The following KCNMA1 variants were observed in gnomAD, a reference collection of about 807,000 sequenced individuals.
KCNMA1 encodes the protein Calcium-activated potassium channel subunit alpha-1.
Under a neutral mutation model 140.0 loss-of-function variants are expected in KCNMA1, and 29 were observed. The observed-to-expected ratio is 0.21, with a 90% CI of 0.15 to 0.28. The LOEUF (loss-of-function observed/expected upper bound fraction) is 0.28, where lower values mean the gene tolerates loss of function less well. Among genes scored for constraint, KCNMA1 ranks in the 10% least tolerant of loss-of-function variants. The probability of loss-of-function intolerance (pLI) is 1.00; values close to 1 mark genes in which losing one functional copy is unlikely to be tolerated. For missense variants in KCNMA1, 880 were observed against 1,602.2 expected, an observed-to-expected ratio of 0.55 and a Z score of 7.70; for synonymous variants, 612 against 611.9, an observed-to-expected ratio of 1.00 and a Z score of 0.00.
chr10:77,438,373 C>A (rs1321070899), intron 1 of KCNMA1, among the ~76,000 whole-genome samples: 2 of 151,956 alleles, frequency 1.3e-5, no homozygotes, highest in Non-Finnish European at 2.9e-5. Context: ...TCGAGACCAG[C>A]CTCAATTAGG....
rs1052286768 is a variant in KCNMA1 at position 76,972,882 on chromosome 10, T to C, written c.2267-2815A>G. On this transcript the variant is annotated intron_variant, in intron 19 of 27. Transcript: ENST00000286628. ...TCTCATAAGTAGGATATAAACCATA[T>C]TTAATTATCAGCCTTTATATGGATC... Among the ~76,000 whole-genome samples the C allele has an allele frequency of 3.3e-5, 5 of 152,218 alleles. No homozygotes were observed. In the East Asian group the frequency reaches 9.6e-4, roughly 29 times the overall value.
In KCNMA1 at chr10:77,184,850, C is replaced by T; in HGVS notation, c.669G>A (p.Val223=). Residue 223 remains valine, a synonymous_variant, in exon 4 of 28, where the codon GTG becomes GTA. Transcript: ENST00000286628. ...FTLQIDMAFN[V]FFLLYFGLRF... Reference sequence around the variant, plus strand: ...GCAAGCCGAAGTAGAGAAGGAAGAACACGTTGAAAGCCATGTCGATCTGTA... The same window carrying T: ...GCAAGCCGAAGTAGAGAAGGAAGAATACGTTGAAAGCCATGTCGATCTGTA... 12 of 1,611,970 alleles carry T rather than the reference C, an allele frequency of 7.4e-6. No homozygotes were observed. Among genetic ancestry groups the T allele is most frequent in the Non-Finnish European group, 1.0e-5 (12 of 1,178,178 alleles).
intron 23 of KCNMA1, among the ~76,000 whole-genome samples, chr10:76,937,714 C>A (rs561829378): frequency 1.3e-5 from 2 of 152,146 alleles, no homozygotes; most frequent in South Asian, 4.2e-4. Context: ...GAAGGTGTAC[C>A]CTATGCCCCC....
intron 14 of KCNMA1, among the ~76,000 whole-genome samples, chr10:77,061,697 T>A (rs925732098): frequency 7.2e-5 from 11 of 152,172 alleles, no homozygotes; most frequent in Non-Finnish European, 1.5e-4. Flanking sequence ...CACACAAACT[T>A]CCATGTAAAT....
At chr10:77,221,154 T>C (rs766809274) in intron 3 of KCNMA1, among the ~76,000 whole-genome samples, 5 of 152,216 alleles carry the variant, frequency 3.3e-5, no homozygotes, top group Non-Finnish European at 4.4e-5. Flanking sequence ...TGCTTGCTAA[T>C]TTCTTCATGT....
chr10:77,307,072 A>T (rs981591162), intron 2 of KCNMA1, among the ~76,000 whole-genome samples: 1 of 152,192 alleles, frequency 6.6e-6, no homozygotes. Context: ...AGAACACATG[A>T]GGTAGAATCC....
At chr10:77,439,087 A>AAAGAGAAGAGAAGAC in intron 1 of KCNMA1, among the ~76,000 whole-genome samples, 1 of 124,848 alleles carries the variant, frequency 8.0e-6, no homozygotes, top group Non-Finnish European at 1.7e-5. Flanking sequence ...AAAGAAAAGA[A>AAAGAGAAGAGAAGAC]AAGAGAAGAG....
chr10:77,362,129 G>A (rs900252816), intron 2 of KCNMA1, among the ~76,000 whole-genome samples: 4 of 152,118 alleles, frequency 2.6e-5, no homozygotes, highest in African/African-American at 7.2e-5. Flanking sequence ...TCTCACGCGA[G>A]GCTCCCAGCA....
At chr10:76,876,721 G>A (rs2032453435), downstream of KCNMA1, 1 of 152,196 alleles carries the variant, frequency 6.6e-6, no homozygotes, top group Non-Finnish European at 1.5e-5. Flanking sequence ...CAAAAACTCA[G>A]TGAGAAGAAT....
intron 3 of KCNMA1, among the ~76,000 whole-genome samples, chr10:77,209,928 CAAA>C (rs34004473): frequency 2.3e-5 from 3 of 128,210 alleles, no homozygotes; most frequent in Admixed American, 7.8e-5. Context: ...ACCTACCAAC[CAAA>C]AAAAAAAAAA....
Position 76,887,521 on chromosome 10 carries a change from C to T in KCNMA1, c.3462-6G>A, listed in dbSNP as rs773658173. ...GCGGGTTGGTGATGACATACCTGGACAGGGAAAGCAGAGATGTCACCTCCT... is the reference window on the plus strand; with the variant it reads ...GCGGGTTGGTGATGACATACCTGGATAGGGAAAGCAGAGATGTCACCTCCT... On this transcript the variant is annotated splice_polypyrimidine_tract_variant and splice_region_variant and intron_variant, in intron 27 of 27. Transcript: ENST00000286628. 1 of 1,614,124 alleles carries T rather than the reference C, an allele frequency of 6.2e-7. No individual in the cohort carries two copies. The highest frequency in any genetic ancestry group is 1.7e-5 in the Admixed American group (1 of 60,030).
chr10:77,349,965 C>T lies in KCNMA1; in HGVS notation c.540+53897G>A, dbSNP rs1457297555. Among the ~76,000 whole-genome samples the T allele has an allele frequency of 2.0e-5, 3 of 151,910 alleles. No individual in the cohort carries two copies. In the East Asian group the frequency reaches 5.8e-4, roughly 29 times the overall value. On this transcript the variant is annotated intron_variant, in intron 2 of 27. Transcript: ENST00000286628. ...CTGGAGTATAGTGGTACGATCTCGGCTTGGCTCACCGCAACCTCTGCCTCC... is the reference window on the plus strand; with the variant it reads ...CTGGAGTATAGTGGTACGATCTCGGTTTGGCTCACCGCAACCTCTGCCTCC...
At chr10:77,082,731 G>C (rs780643600) in intron 12 of KCNMA1, among the ~76,000 whole-genome samples, 48 of 152,198 alleles carry the variant, frequency 3.2e-4, no homozygotes, top group Non-Finnish European at 5.4e-4. Flanking sequence ...TGTGAAGCCA[G>C]AATCTGTTCC....
intron 23 of KCNMA1, among the ~76,000 whole-genome samples, chr10:76,924,583 A>G (rs1000206836): frequency 6.6e-6 from 1 of 152,228 alleles, no homozygotes; most frequent in Non-Finnish European, 1.5e-5. Flanking sequence ...GCTGATGAAC[A>G]TGATGGATGG....
intron 5 of KCNMA1, among the ~76,000 whole-genome samples, chr10:77,175,148 C>A (rs542054600): frequency 6.6e-6 from 1 of 152,242 alleles, no homozygotes; most frequent in Non-Finnish European, 1.5e-5. Flanking sequence ...TCATGTGTAA[C>A]AAGTCCCCAG....
intron 3 of KCNMA1, among the ~76,000 whole-genome samples, chr10:77,224,362 C>G (rs148560826): frequency 9.2e-5 from 14 of 152,218 alleles, no homozygotes; most frequent in Non-Finnish European, 1.9e-4. Context: ...GAGCTGAGCA[C>G]GTGGATTTCA....
At chr10:77,631,677 T>C (rs2093225768) in intron 1 of KCNMA1, among the ~76,000 whole-genome samples, 2 of 152,158 alleles carry the variant, frequency 1.3e-5, no homozygotes, top group South Asian at 4.1e-4. Context: ...AGCAAGCACT[T>C]ACTCCTGGCT....
intron 2 of KCNMA1, among the ~76,000 whole-genome samples, chr10:77,279,479 T>C (rs1182653195): frequency 6.6e-6 from 1 of 152,172 alleles, no homozygotes; most frequent in Non-Finnish European, 1.5e-5. Context: ...AACTGGTAAC[T>C]TTCATCAGGG....
chr10:77,228,893 C>T (rs1207872292), intron 3 of KCNMA1, among the ~76,000 whole-genome samples: 2 of 152,208 alleles, frequency 1.3e-5, no homozygotes, highest in African/African-American at 4.8e-5. Flanking sequence ...TACGTGAAAA[C>T]CTACTTTGCT....
Sources: gnomAD v4.1 joint callset for allele counts (sites outside exome capture counted in the v4.1 genomes callset) on GRCh38, gnomAD v4.1.1 for gene constraint, MANE v1.5 for transcripts, NCBI Gene and HGNC (gene_info 2026-07-23, HGNC 2026-07-21) for gene names.